Variants in TRAF3IP1 observed in about 807,000 individuals in gnomAD.
TRAF3IP1 encodes TRAF3-interacting protein 1.
TRAF3IP1 carries 53 observed loss-of-function variants against 89.9 expected under a neutral mutation model. The observed-to-expected ratio is 0.59, with a 90% CI of 0.47 to 0.74. The LOEUF (loss-of-function observed/expected upper bound fraction) is 0.74, where lower values mean the gene tolerates loss of function less well. Ranked by LOEUF, TRAF3IP1 falls within the 30% of genes least tolerant of loss-of-function variation. The probability of loss-of-function intolerance (pLI) is 0.00; values close to 1 mark genes in which losing one functional copy is unlikely to be tolerated. For synonymous variants in TRAF3IP1, 311 were observed against 322.1 expected, an observed-to-expected ratio of 0.97 and a Z score of 0.37; for missense variants, 806 against 866.1, an observed-to-expected ratio of 0.93 and a Z score of 0.87.
chr2:238,342,609 C>G (rs1178809498), intron 8 of TRAF3IP1, among the ~76,000 whole-genome samples: 1 of 152,146 alleles, frequency 6.6e-6, no homozygotes, highest in African/African-American at 2.4e-5. Flanking sequence ...ACTTTGAAAT[C>G]AAGTACACAA....
intron 15 of TRAF3IP1, among the ~76,000 whole-genome samples, chr2:238,388,246 G>A (rs538694890): frequency 2.0e-5 from 3 of 151,854 alleles, no homozygotes; most frequent in Non-Finnish European, 2.9e-5. Flanking sequence ...GTGATGATGC[G>A]TGCCTATAAT....
chr2:238,397,612 C>G lies in TRAF3IP1; in HGVS notation c.1843C>G (p.Gln615Glu), dbSNP rs1298100861. 1 of 1,612,602 alleles carries G rather than the reference C, an allele frequency of 6.2e-7. No homozygotes were observed. The highest frequency in any genetic ancestry group is 2.2e-5 in the East Asian group (1 of 44,872). ...CATCCAGGAAGACGTGGATGCCATG[C>G]AGAATGAGCTGCAGATGTGGCACAG... is the stretch of plus-strand genomic sequence containing the variant. The part of the protein sequence containing the change: ...DYIQEDVDAM[Q>E]NELQMWHSEN... Residue 615 changes from glutamine to glutamate, a missense_variant, in exon 16 of 17, where the codon CAG (glutamine) becomes GAG (glutamate). Gln to Glu is a conservative substitution (Grantham distance 29, BLOSUM62 2). Transcript: ENST00000373327.
At chr2:238,349,724 A>G (rs1574924504) in intron 12 of TRAF3IP1, among the ~76,000 whole-genome samples, 3 of 152,318 alleles carry the variant, frequency 2.0e-5, no homozygotes, top group Admixed American at 6.5e-5. Flanking sequence ...AAAATAGGGG[A>G]AAAAAATTAG....
chr2:238,391,123 T>C (rs894999509), intron 15 of TRAF3IP1, among the ~76,000 whole-genome samples: 1 of 152,154 alleles, frequency 6.6e-6, no homozygotes. Context: ...CCTTGGTAAT[T>C]TTTGTATTTT....
chr2:238,346,698 C>T lies in TRAF3IP1; in HGVS notation c.1262-757C>T, dbSNP rs1041712214. Among the ~76,000 whole-genome samples, 7 of 152,204 alleles carry T rather than the reference C, an allele frequency of 4.6e-5. No individual in the cohort carries two copies. The South Asian group carries it at 6.2e-4, about 13-fold the overall frequency. ...CTGTCTGAGGCGGGGCCGTGTTAAA[C>T]GAGGCGCTGCATCAGGCCCTGCTGC... On this transcript the variant is annotated intron_variant, in intron 9 of 16. Transcript: ENST00000373327.
chr2:238,382,597 T>C (rs916046466), intron 15 of TRAF3IP1, among the ~76,000 whole-genome samples: 1 of 151,766 alleles, frequency 6.6e-6, no homozygotes, highest in African/African-American at 2.4e-5. Flanking sequence ...CAGGCAGGCC[T>C]TTTCCTGGGA....
chr2:238,384,761 A>T (rs1700696151), intron 15 of TRAF3IP1, among the ~76,000 whole-genome samples: 2 of 152,074 alleles, frequency 1.3e-5, no homozygotes, highest in Admixed American at 1.3e-4. Context: ...TTCAGCAAAG[A>T]TGAAGAAATT....
intron 15 of TRAF3IP1, among the ~76,000 whole-genome samples, chr2:238,391,312 G>A (rs1163311609): frequency 1.3e-5 from 2 of 152,142 alleles, no homozygotes; most frequent in Non-Finnish European, 2.9e-5. Context: ...TCCTGTGTGG[G>A]GGTAATAGAT....
intron 15 of TRAF3IP1, among the ~76,000 whole-genome samples, chr2:238,367,529 G>A (rs976537191): frequency 3.9e-5 from 6 of 152,222 alleles, no homozygotes; most frequent in African/African-American, 1.2e-4. Flanking sequence ...CGCTCAGCAT[G>A]GGCTGGGGTC....
In TRAF3IP1 at chr2:238,397,627, A is replaced by C. The variant is rs3739070; in HGVS notation, c.1858A>C (p.Met620Leu). The C allele has an allele frequency of 0.076, 122,042 of 1,607,770 alleles. 5,344 individuals are homozygous for C. Among genetic ancestry groups the C allele is most frequent in the Non-Finnish European group, 0.083 (97,979 of 1,175,958 alleles). ...GGATGCCATGCAGAATGAGCTGCAG[A>C]TGTGGCACAGCGAGAACAGGCAGCA... ...DVDAMQNELQ[M>L]WHSENRQHAE... Residue 620 changes from methionine (M) to leucine (L), a missense_variant, in exon 16 of 17, where the codon ATG (methionine) becomes CTG (leucine). This residue lies in a region of TRAF3IP1 where 732 missense variants were observed against 780.5 expected (regional missense o/e 0.94). Transcript: ENST00000373327.
At chr2:238,327,760 C>T (rs1478032167) in intron 3 of TRAF3IP1, among the ~76,000 whole-genome samples, 1 of 152,128 alleles carries the variant, frequency 6.6e-6, no homozygotes, top group East Asian at 1.9e-4. Flanking sequence ...ACCCCAGCCC[C>T]TGGCACCCTC....
chr2:238,344,502 A>C lies in TRAF3IP1; in HGVS notation c.1165A>C (p.Lys389Gln). Residue 389 changes from lysine (K) to glutamine (Q), a missense_variant, in exon 9 of 17, where the codon AAA becomes CAA. Physicochemically the swap from Lys to Gln is moderately conservative, Grantham distance 53 (BLOSUM62 1). Transcript: ENST00000373327. The part of the protein sequence containing the change: ...QETTTSEIGT[K>Q]EANINSTSIS... ...TTTAAACTGTTTTATGTCAGGAACA[A>C]AAGAAGCTAATATTAACTCAACTAG... The C allele has an allele frequency of 6.2e-7, 1 of 1,613,916 alleles. No individual in the cohort carries two copies. The highest frequency in any genetic ancestry group is 8.5e-7 in the Non-Finnish European group (1 of 1,179,766).
chr2:238,378,423 T>C (rs1490657120), intron 15 of TRAF3IP1, among the ~76,000 whole-genome samples: 2 of 152,278 alleles, frequency 1.3e-5, no homozygotes, highest in East Asian at 3.8e-4. Flanking sequence ...GGTTAACAAC[T>C]GTCTTTTTGG....
intron 15 of TRAF3IP1, among the ~76,000 whole-genome samples, chr2:238,380,147 G>A (rs1700484686): frequency 6.6e-6 from 1 of 152,142 alleles, no homozygotes; most frequent in Non-Finnish European, 1.5e-5. Flanking sequence ...TGAAATGCTG[G>A]TGCCCAGGCC....
chr2:238,341,602 G>A (rs573024982), intron 8 of TRAF3IP1, among the ~76,000 whole-genome samples: 3 of 150,080 alleles, frequency 2.0e-5, no homozygotes, highest in Middle Eastern at 3.4e-3. Flanking sequence ...TAAAATTTGC[G>A]CAGAACACTG....
chr2:238,361,521 G>A lies in TRAF3IP1; in HGVS notation c.1689+5441G>A, dbSNP rs369513418. ...TTCTTTTTCACGTCTAGGTCTCTGC[G>A]TGGTCTGGAAGTGTGATTTTCTGCT... On this transcript the variant is annotated intron_variant, in intron 15 of 16. Coordinates refer to ENST00000373327, the MANE Select transcript of TRAF3IP1 (RefSeq NM_015650.4). Among the ~76,000 whole-genome samples, 56 of 152,136 alleles carry A rather than the reference G, an allele frequency of 3.7e-4. No homozygotes were observed. In the East Asian group the frequency reaches 9.5e-3, roughly 26 times the overall value.
chr2:238,381,322 T>A lies in TRAF3IP1; in HGVS notation c.1690-16137T>A, dbSNP rs187210307. ...AACTTTAGAAAAGTTTCTTTGGGACTTGCAGATGGGGCTGGATTCGAGGAG... is the reference window on the plus strand; with the variant it reads ...AACTTTAGAAAAGTTTCTTTGGGACATGCAGATGGGGCTGGATTCGAGGAG... On this transcript the variant is annotated intron_variant, in intron 15 of 16. Transcript: ENST00000373327. Among the ~76,000 whole-genome samples the A allele has an allele frequency of 4.3e-4, 65 of 152,286 alleles. 1 individual carries two copies. The highest frequency in any genetic ancestry group is 1.5e-3 in the African/African-American group (63 of 41,550).
intron 14 of TRAF3IP1, among the ~76,000 whole-genome samples, chr2:238,355,274 T>TA (rs1249017774): frequency 6.6e-6 from 1 of 152,182 alleles, no homozygotes. Flanking sequence ...CTGTCTCCTC[T>TA]ACCCTCTACT....
At chr2:238,327,530 T>C (rs1039158914) in intron 3 of TRAF3IP1, among the ~76,000 whole-genome samples, 1 of 152,232 alleles carries the variant, frequency 6.6e-6, no homozygotes, top group African/African-American at 2.4e-5. Context: ...TTTTTGCGTT[T>C]GATGGGGCTT....
Sources: allele counts gnomAD v4.1 joint callset (sites outside exome capture counted in the v4.1 genomes callset), GRCh38; gene constraint gnomAD v4.1.1; regional missense constraint gnomAD v4.1.1; transcripts MANE v1.5; gene names NCBI Gene and HGNC (gene_info 2026-07-23, HGNC 2026-07-21).